Variants in ROBO2 observed in about 807,000 individuals in gnomAD.
ROBO2 encodes the protein roundabout guidance receptor 2, also known as roundabout homolog 2.
A neutral mutation model predicts 160.8 loss-of-function variants in ROBO2; 53 were observed. The observed-to-expected ratio is 0.33, with a 90% CI of 0.26 to 0.41. The LOEUF is 0.41. Ranked by LOEUF, ROBO2 falls within the 10% of genes least tolerant of loss-of-function variation. The pLI, the probability that ROBO2 is intolerant of heterozygous loss-of-function variation, is 1.00. For synonymous variants in ROBO2, 664 were observed against 611.7 expected (o/e 1.09, Z -1.26); for missense variants, 1,577 against 1,722.4 (o/e 0.92, Z 1.49).
At chr3:77,376,154 C>CT (rs11425201) in intron 2 of ROBO2, among the ~76,000 whole-genome samples, 78,812 of 115,158 alleles carry the variant, frequency 0.68, 28,648 homozygotes, top group Non-Finnish European at 0.77. Context: ...ATTTAACTTT[C>CT]TTTTTTTTTT....
upstream of ROBO2, among the ~76,000 whole-genome samples, chr3:77,035,316 A>T (rs2063563331): frequency 6.6e-6 from 1 of 151,978 alleles, no homozygotes; most frequent in South Asian, 2.1e-4. Flanking sequence ...TCAAAATTTT[A>T]AGGTATACAC....
At chr3:76,293,222 G>A (rs578170748) in intron 2 of ROBO2, among the ~76,000 whole-genome samples, 1 of 152,286 alleles carries the variant, frequency 6.6e-6, no homozygotes, top group East Asian at 1.9e-4. Flanking sequence ...CAGGCTTCTT[G>A]TCCGCTAGCA....
At chr3:77,023,397 C>G (rs1057269857) in intron 2 of ROBO2, among the ~76,000 whole-genome samples, 1 of 152,044 alleles carries the variant, frequency 6.6e-6, no homozygotes, top group Non-Finnish European at 1.5e-5. Flanking sequence ...CAATGTTTGT[C>G]CTTTTGTGAC....
chr3:77,327,759 A>C (rs974654402), intron 2 of ROBO2, among the ~76,000 whole-genome samples: 3 of 152,114 alleles, frequency 2.0e-5, no homozygotes, highest in African/African-American at 7.2e-5. Flanking sequence ...AAAACATTGA[A>C]GATTTAATGG....
intron 2 of ROBO2, among the ~76,000 whole-genome samples, chr3:76,558,307 A>T (rs562860272): frequency 1.3e-5 from 2 of 152,174 alleles, no homozygotes; most frequent in African/African-American, 4.8e-5. Flanking sequence ...GAGGCATGAA[A>T]ATATTCAAGT....
intron 2 of ROBO2, among the ~76,000 whole-genome samples, chr3:76,602,001 T>C (rs2087185935): frequency 6.6e-6 from 1 of 152,146 alleles, no homozygotes; most frequent in Non-Finnish European, 1.5e-5. Flanking sequence ...CTCTCTCAAG[T>C]TCAAAGTTCC....
At chr3:76,860,694 A>G (rs2070678086) in intron 2 of ROBO2, among the ~76,000 whole-genome samples, 1 of 152,106 alleles carries the variant, frequency 6.6e-6, no homozygotes, top group South Asian at 2.1e-4. Context: ...TTCCTCCTAC[A>G]TTTTTTAACA....
intron 2 of ROBO2, among the ~76,000 whole-genome samples, chr3:76,416,875 T>A (rs2075779105): frequency 6.6e-6 from 1 of 152,188 alleles, no homozygotes; most frequent in Non-Finnish European, 1.5e-5. Context: ...TCTACAGAGT[T>A]TTATGAGCTA....
At chr3:76,194,409 G>A (rs1420401947) in intron 2 of ROBO2, among the ~76,000 whole-genome samples, 1 of 134,416 alleles carries the variant, frequency 7.4e-6, no homozygotes, top group African/African-American at 2.7e-5. Flanking sequence ...AGCTGGACTT[G>A]TTCACTGGTA....
chr3:76,904,734 T>C (rs961869601), intron 2 of ROBO2, among the ~76,000 whole-genome samples: 4 of 152,194 alleles, frequency 2.6e-5, no homozygotes, highest in South Asian at 2.1e-4. Context: ...CCTAATCTTC[T>C]GTCTGCATAT....
chr3:77,456,965 A>G (rs1198796271), intron 2 of ROBO2, among the ~76,000 whole-genome samples: 1 of 152,124 alleles, frequency 6.6e-6, no homozygotes, highest in Non-Finnish European at 1.5e-5. Context: ...TTTCTGTCTC[A>G]AGGGTACCAA....
chr3:76,042,908 C>T (rs2067318175), intron 2 of ROBO2, among the ~76,000 whole-genome samples: 1 of 151,960 alleles, frequency 6.6e-6, no homozygotes, highest in African/African-American at 2.4e-5. Flanking sequence ...TTAAAAGGGA[C>T]AGAAATTGTG....
intron 1 of ROBO2, among the ~76,000 whole-genome samples, chr3:77,064,827 T>C (rs1431531328): frequency 6.6e-6 from 1 of 152,178 alleles, no homozygotes; most frequent in Non-Finnish European, 1.5e-5. Context: ...GAATGAATTA[T>C]TTTCTATGAC....
intron 2 of ROBO2, among the ~76,000 whole-genome samples, chr3:76,138,434 C>T (rs555938872): frequency 9.9e-5 from 15 of 151,788 alleles, no homozygotes; most frequent in Non-Finnish European, 2.1e-4. Context: ...AAGAGAAATA[C>T]CTTATAATAT....
At chr3:76,748,638 A>G (rs951148115) in intron 2 of ROBO2, among the ~76,000 whole-genome samples, 9 of 151,834 alleles carry the variant, frequency 5.9e-5, no homozygotes, top group African/African-American at 1.9e-4. Flanking sequence ...GACAAATTAA[A>G]ACAAGTGGGT....
At chr3:77,609,338 T>C (rs979687329) in intron 21 of ROBO2, among the ~76,000 whole-genome samples, 1 of 152,076 alleles carries the variant, frequency 6.6e-6, no homozygotes, top group Non-Finnish European at 1.5e-5. Flanking sequence ...CAGTGTCACA[T>C]AAATCATGAG....
intron 1 of ROBO2, among the ~76,000 whole-genome samples, chr3:77,068,486 T>A (rs2067088772): frequency 6.6e-6 from 1 of 152,052 alleles, no homozygotes; most frequent in Admixed American, 6.6e-5. Context: ...AAGCAGAATC[T>A]TTTTTTCCAT....
intron 2 of ROBO2, among the ~76,000 whole-genome samples, chr3:76,563,072 T>G (rs1020567715): frequency 6.6e-6 from 1 of 152,154 alleles, no homozygotes; most frequent in Non-Finnish European, 1.5e-5. Context: ...GCATGATCTC[T>G]GAAAGTTTGC....
chr3:76,580,328 G>GTTTTTTTTTTTTTT (rs748888426), intron 2 of ROBO2, among the ~76,000 whole-genome samples: 18 of 67,300 alleles, frequency 2.7e-4, no homozygotes, highest in African/African-American at 4.2e-4. Flanking sequence ...TTTTTTTTTT[G>GTTTTTTTTTTTTTT]TTTTTTTTTT....
Sources: allele counts gnomAD v4.1 joint callset (sites outside exome capture counted in the v4.1 genomes callset), GRCh38; gene constraint gnomAD v4.1.1; transcripts MANE v1.5; gene names NCBI Gene and HGNC (gene_info 2026-07-23, HGNC 2026-07-21).